EHBP1: variants seen among roughly 807,000 people sequenced by gnomAD.
EHBP1 encodes the protein EH domain-binding protein 1.
A neutral mutation model predicts 144.0 loss-of-function variants in EHBP1; 55 were observed. The observed-to-expected ratio is 0.38, with a 90% CI of 0.31 to 0.48. The LOEUF is 0.48. EHBP1 is among the 20% of genes least tolerant of loss of function. The pLI is 0.98. For missense variants in EHBP1, 1,200 were observed against 1,364.2 expected (o/e 0.88, Z 1.90); for synonymous variants, 469 against 472.7 (o/e 0.99, Z 0.10).
At chr2:62,880,385 C>G (rs1247208266) in intron 10 of EHBP1, among the ~76,000 whole-genome samples, 2 of 145,952 alleles carry the variant, frequency 1.4e-5, no homozygotes, top group African/African-American at 5.0e-5. Context: ...GAGACCTAAT[C>G]AAACTAAGAG....
chr2:62,834,116 G>A (rs896921299), intron 7 of EHBP1, among the ~76,000 whole-genome samples: 3 of 152,224 alleles, frequency 2.0e-5, no homozygotes, highest in Admixed American at 6.5e-5. Flanking sequence ...TGCTTCTCTG[G>A]ATGAACAAAG....
At chr2:63,027,977 T>G (rs540800860) in intron 19 of EHBP1, among the ~76,000 whole-genome samples, 9 of 152,254 alleles carry the variant, frequency 5.9e-5, no homozygotes, top group Non-Finnish European at 1.2e-4. Flanking sequence ...TGTCCATGCT[T>G]GCCTTGAACT....
chr2:62,771,390 A>AATAAC lies in EHBP1; in HGVS notation c.312_312+1insAACAT (p.Glu105AsnfsTer19). 1 of 1,591,018 alleles carries AATAAC rather than the reference A, an allele frequency of 6.3e-7. No individual in the cohort carries two copies. Among genetic ancestry groups the AATAAC allele is most frequent in the Non-Finnish European group, 8.6e-7 (1 of 1,167,978 alleles). ...CAAAGAGTGGACATTTGTCATAGAA[A>AATAAC]ATGTAAGCTAATGGCAAATTCCTTC... On this transcript the variant is annotated frameshift_variant and splice_region_variant, in exon 5 of 23. Coordinates refer to ENST00000431489, the MANE Select transcript of EHBP1 (RefSeq NM_001142616.3). LOFTEE classifies it high-confidence loss of function.
At chr2:62,918,441 C>T (rs1019207107) in intron 10 of EHBP1, among the ~76,000 whole-genome samples, 10 of 152,030 alleles carry the variant, frequency 6.6e-5, no homozygotes, top group South Asian at 2.1e-4. Flanking sequence ...CTAGCAAACT[C>T]GGCATCACAA....
intron 15 of EHBP1, among the ~76,000 whole-genome samples, chr2:62,980,186 A>G (rs939604735): frequency 2.6e-5 from 4 of 152,242 alleles, no homozygotes; most frequent in African/African-American, 9.6e-5. Context: ...TTTTCCACGG[A>G]CCAGGAGGGT....
At chr2:63,007,321 T>C (rs1443515292) in intron 19 of EHBP1, among the ~76,000 whole-genome samples, 2 of 151,912 alleles carry the variant, frequency 1.3e-5, no homozygotes, top group African/African-American at 4.8e-5. Flanking sequence ...TAGTTGTAAC[T>C]ATTTAAGGGA....
intron 3 of EHBP1, among the ~76,000 whole-genome samples, chr2:62,755,414 T>A (rs995848756): frequency 2.1e-5 from 3 of 139,672 alleles, no homozygotes; most frequent in African/African-American, 7.8e-5. Context: ...TGAACATTTG[T>A]TTTTTTTTTC....
intron 16 of EHBP1, among the ~76,000 whole-genome samples, chr2:62,993,289 T>C (rs986042075): frequency 6.6e-6 from 1 of 152,110 alleles, no homozygotes; most frequent in African/African-American, 2.4e-5. Context: ...TTAAATGATA[T>C]GTATCACTGG....
chr2:62,713,675 G>A (rs2035381840), intron 2 of EHBP1, among the ~76,000 whole-genome samples: 1 of 152,176 alleles, frequency 6.6e-6, no homozygotes, highest in African/African-American at 2.4e-5. Flanking sequence ...TTAGTTTGCA[G>A]TACTTTCTAT....
chr2:62,753,910 G>A (rs1260885939), intron 3 of EHBP1, among the ~76,000 whole-genome samples: 2 of 152,130 alleles, frequency 1.3e-5, no homozygotes, highest in Non-Finnish European at 2.9e-5. Flanking sequence ...TTTCTTCAAA[G>A]TTTTTAGCTC....
intron 1 of EHBP1, among the ~76,000 whole-genome samples, chr2:62,683,658 C>CAA (rs397936534): frequency 0.017 from 851 of 49,752 alleles, 37 homozygotes; most frequent in African/African-American, 0.037. Context: ...GACTCCATCT[C>CAA]AAAAAAAAAA....
intron 2 of EHBP1, among the ~76,000 whole-genome samples, chr2:62,745,920 A>G (rs943887943): frequency 1.3e-5 from 2 of 152,114 alleles, no homozygotes; most frequent in Non-Finnish European, 2.9e-5. Context: ...GGTACCTTCA[A>G]TTTAAGAGCC....
At chr2:62,690,744 T>C (rs562331271) in intron 1 of EHBP1, among the ~76,000 whole-genome samples, 67 of 152,048 alleles carry the variant, frequency 4.4e-4, no homozygotes, top group Non-Finnish European at 8.5e-4. Flanking sequence ...ACTAACCATA[T>C]GGATTTAGTC....
intron 16 of EHBP1, among the ~76,000 whole-genome samples, chr2:62,991,047 A>C (rs951837593): frequency 4.6e-5 from 7 of 152,054 alleles, no homozygotes; most frequent in African/African-American, 1.4e-4. Flanking sequence ...CAGTAGTTCA[A>C]GACCAGCCTG....
intron 5 of EHBP1, among the ~76,000 whole-genome samples, chr2:62,814,331 A>G (rs1048786803): frequency 5.3e-5 from 8 of 152,228 alleles, no homozygotes; most frequent in African/African-American, 1.9e-4. Flanking sequence ...TGACACAGCA[A>G]GAAGATTCTC....
chr2:63,044,421 G>T (rs1465582743), intron 21 of EHBP1: 5 of 152,108 alleles, frequency 3.3e-5, no homozygotes, highest in African/African-American at 1.2e-4. Context: ...AAGAAAACTG[G>T]CTGTGATGCG....
At chr2:62,993,733 GTA>G (rs1040112482) in intron 17 of EHBP1, 65 bp downstream of exon 17, 121 of 738,984 alleles carry the variant, frequency 1.6e-4, no homozygotes, top group East Asian at 2.4e-4. Context: ...TCTATATATA[GTA>G]TATATATATA....
At chr2:62,752,527 A>G (rs1220124560) in intron 3 of EHBP1, among the ~76,000 whole-genome samples, 1 of 152,006 alleles carries the variant, frequency 6.6e-6, no homozygotes, top group Non-Finnish European at 1.5e-5. Flanking sequence ...CAGTTCCTGG[A>G]TATCCTTGTT....
chr2:62,721,521 G>GAACATATGT (rs1392957950), intron 2 of EHBP1, among the ~76,000 whole-genome samples: 6 of 152,204 alleles, frequency 3.9e-5, no homozygotes, highest in African/African-American at 1.4e-4. Context: ...CAAAGAATTT[G>GAACATATGT]AACATATGTT....
Sources: allele counts gnomAD v4.1 joint callset (sites outside exome capture counted in the v4.1 genomes callset), GRCh38; gene constraint gnomAD v4.1.1; transcripts MANE v1.5; gene names NCBI Gene and HGNC (gene_info 2026-07-23, HGNC 2026-07-21).